The following DPYD variants were observed in gnomAD, a reference collection of about 807,000 sequenced individuals.
DPYD encodes the protein dihydropyrimidine dehydrogenase, also known as dihydropyrimidine dehydrogenase [NADP(+)].
In DPYD, 109 loss-of-function variants were observed where a neutral mutation model predicts 116.2. The observed-to-expected ratio is 0.94, with a 90% CI of 0.80 to 1.10. The LOEUF (loss-of-function observed/expected upper bound fraction) is 1.10, where lower values mean the gene tolerates loss of function less well. Ranked by LOEUF, DPYD falls within the 50% of genes least tolerant of loss-of-function variation. The pLI is 0.00. For missense variants in DPYD, 1,302 were observed against 1,254.5 expected, an observed-to-expected ratio of 1.04 and a Z score of -0.57; for synonymous variants, 440 against 432.0, an observed-to-expected ratio of 1.02 and a Z score of -0.23.
intron 12 of DPYD, among the ~76,000 whole-genome samples, chr1:97,541,671 A>G (rs1650461421): frequency 6.6e-6 from 1 of 152,176 alleles, no homozygotes; most frequent in Admixed American, 6.5e-5. Context: ...GATGAGGTTA[A>G]TGTATGTGTA....
At chr1:97,656,849 CTA>C (rs1055713557) in intron 8 of DPYD, among the ~76,000 whole-genome samples, 1 of 148,904 alleles carries the variant, frequency 6.7e-6, no homozygotes, top group African/African-American at 2.5e-5. Flanking sequence ...CTGACTGGAT[CTA>C]TGAGATCTAT....
At chr1:97,689,334 TG>T (rs1447628057) in intron 7 of DPYD, among the ~76,000 whole-genome samples, 2 of 152,004 alleles carry the variant, frequency 1.3e-5, no homozygotes, top group Non-Finnish European at 2.9e-5. Context: ...GTTATTTGGA[TG>T]ATAATACGCT....
At chr1:97,100,963 C>T (rs922885835) in intron 20 of DPYD, among the ~76,000 whole-genome samples, 4 of 151,948 alleles carry the variant, frequency 2.6e-5, no homozygotes, top group African/African-American at 9.7e-5. Context: ...TTCTAATGTG[C>T]TAATTGGTTT....
chr1:97,191,486 C>A (rs78134256), intron 20 of DPYD, among the ~76,000 whole-genome samples: 1 of 152,204 alleles, frequency 6.6e-6, no homozygotes, highest in African/African-American at 2.4e-5. Flanking sequence ...ATTACACTTA[C>A]GATTTTGATG....
At chr1:97,437,698 A>G (rs1675545488) in intron 14 of DPYD, among the ~76,000 whole-genome samples, 1 of 151,912 alleles carries the variant, frequency 6.6e-6, no homozygotes, top group Non-Finnish European at 1.5e-5. Flanking sequence ...GTATTTTCAT[A>G]TTTCTTTATA....
chr1:97,414,336 C>A (rs1361405486), intron 14 of DPYD, among the ~76,000 whole-genome samples: 2 of 152,186 alleles, frequency 1.3e-5, no homozygotes, highest in African/African-American at 4.8e-5. Context: ...TATCAAAATA[C>A]TATTTAAGGC....
intron 13 of DPYD, among the ~76,000 whole-genome samples, chr1:97,509,202 G>C (rs1440167621): frequency 1.3e-5 from 2 of 151,996 alleles, no homozygotes; most frequent in African/African-American, 4.8e-5. Flanking sequence ...TGCTGCTTTT[G>C]GTAAGGTTGT....
intron 18 of DPYD, among the ~76,000 whole-genome samples, chr1:97,242,142 A>C (rs1480342967): frequency 1.6e-5 from 2 of 124,592 alleles, no homozygotes; most frequent in African/African-American, 6.2e-5. Context: ...ATATATATAT[A>C]TATATATATA....
At chr1:97,149,128 G>A (rs906634909) in intron 20 of DPYD, among the ~76,000 whole-genome samples, 2 of 152,166 alleles carry the variant, frequency 1.3e-5, no homozygotes, top group Non-Finnish European at 2.9e-5. Flanking sequence ...TGTAATATGT[G>A]TTGATTATCA....
intron 13 of DPYD, among the ~76,000 whole-genome samples, chr1:97,502,850 A>T (rs531648163): frequency 4.9e-4 from 74 of 152,014 alleles, no homozygotes; most frequent in Admixed American, 5.2e-4. Context: ...ATATTTATTT[A>T]AAAAAAATTC....
At chr1:97,690,893 T>C (rs76992620) in intron 7 of DPYD, among the ~76,000 whole-genome samples, 2,013 of 152,142 alleles carry the variant, frequency 0.013, 21 homozygotes, top group Middle Eastern at 0.024. Flanking sequence ...TTTTTTTGAG[T>C]GTTTTCTCTT....
chr1:97,141,424 G>A (rs1478900133), intron 20 of DPYD, among the ~76,000 whole-genome samples: 4 of 151,904 alleles, frequency 2.6e-5, no homozygotes, highest in East Asian at 3.9e-4. Context: ...TTTTTTACTC[G>A]CTATTCCTTC....
chr1:97,754,549 G>T (rs539093731), intron 3 of DPYD, among the ~76,000 whole-genome samples: 2 of 152,276 alleles, frequency 1.3e-5, no homozygotes, highest in African/African-American at 4.8e-5. Flanking sequence ...AAATGTGTTT[G>T]TGTTCTGCGG....
intron 14 of DPYD, among the ~76,000 whole-genome samples, chr1:97,443,129 C>G (rs1675893867): frequency 6.6e-6 from 1 of 152,124 alleles, no homozygotes; most frequent in South Asian, 2.1e-4. Context: ...CCTTTAGCTC[C>G]TAGACTACAA....
At position 97,515,914 on chromosome 1, in the gene DPYD, T is replaced by C. The variant is rs745833535; in HGVS notation, c.1552A>G (p.Lys518Glu). 5.0e-5 allele frequency: 81 copies of C among 1,612,646 alleles called. No homozygotes were observed. The highest frequency in any genetic ancestry group is 6.4e-5 in the Non-Finnish European group (75 of 1,179,146). Reference protein sequence around the residue: ...QSQYGASVSAKPELPLFYTPI... With the variant: ...QSQYGASVSAEPELPLFYTPI... The stretch of plus-strand genomic sequence containing the variant: ...GTGTAAAAGAGGGGTAGTTCAGGCT[T>C]GGCAGAAACGGAAGCTCCATATTGT... Residue 518 changes from lysine to glutamate, a missense_variant, in exon 13 of 23, where the codon AAG becomes GAG. Physicochemically the swap from Lys to Glu is moderately conservative, Grantham distance 56. Coordinates refer to ENST00000370192, the MANE Select transcript of DPYD (RefSeq NM_000110.4).
Position 97,781,356 on chromosome 1 carries a change from T to C in DPYD, c.234-40877A>G, listed in dbSNP as rs188100163. Among the ~76,000 whole-genome samples, 67 of 152,322 alleles carry C rather than the reference T, an allele frequency of 4.4e-4. 2 individuals carry two copies. The East Asian group carries it at 8.7e-3, about 20-fold the overall frequency. On this transcript the variant is annotated intron_variant, in intron 3 of 22. Coordinates refer to ENST00000370192, the MANE Select transcript of DPYD (RefSeq NM_000110.4). ...ATATGTAGTTATCTCATATTTAGAG[T>C]GTAAGCATTACCATTTCTGAGATGC...
chr1:97,490,481 T>TGTAA (rs36118685), intron 13 of DPYD, among the ~76,000 whole-genome samples: 89,535 of 146,446 alleles, frequency 0.61, 27,517 homozygotes, highest in East Asian at 0.75. Context: ...AATAGTATAT[T>TGTAA]GTGTTATAAT....
intron 20 of DPYD, among the ~76,000 whole-genome samples, chr1:97,186,551 T>C (rs549438077): frequency 2.0e-5 from 3 of 152,248 alleles, no homozygotes; most frequent in Non-Finnish European, 4.4e-5. Flanking sequence ...GTTGTTTCAC[T>C]TAAAATAATG....
intron 16 of DPYD, among the ~76,000 whole-genome samples, chr1:97,336,545 C>T (rs60852591): frequency 0.064 from 9,759 of 152,098 alleles, 420 homozygotes; most frequent in African/African-American, 0.12. Flanking sequence ...GGTCAGGAGT[C>T]CAAGACCAGC....
Sources: gnomAD v4.1 joint callset for allele counts (sites outside exome capture counted in the v4.1 genomes callset) on GRCh38, gnomAD v4.1.1 for gene constraint, MANE v1.5 for transcripts, NCBI Gene and HGNC (gene_info 2026-07-23, HGNC 2026-07-21) for gene names.